The following ACCSL variants were observed in gnomAD, a reference collection of about 807,000 sequenced individuals.
The protein encoded by ACCSL is probable inactive 1-aminocyclopropane-1-carboxylate synthase-like protein 2.
ACCSL carries 55 observed loss-of-function variants against 61.7 expected under a neutral mutation model. That is an observed-to-expected ratio of 0.89 (90% CI 0.72 to 1.12). ACCSL has a LOEUF of 1.12. ACCSL is among the 50% of genes most tolerant of loss of function. The pLI is 0.00. For missense variants in ACCSL, 632 were observed against 698.0 expected, an observed-to-expected ratio of 0.91 and a Z score of 1.07; for synonymous variants, 258 against 264.3, an observed-to-expected ratio of 0.98 and a Z score of 0.23.
chr11:43,989,900 C>T, the ACCSL span, among the ~76,000 whole-genome samples: 2 of 152,262 alleles, frequency 1.3e-5, no homozygotes, highest in Non-Finnish European at 2.9e-5. Flanking sequence ...GCTGGCGGCC[C>T]CGCCAAGAGG....
chr11:43,964,139 C>T, the ACCSL span, among the ~76,000 whole-genome samples: 5 of 151,834 alleles, frequency 3.3e-5, no homozygotes, highest in Admixed American at 2.0e-4. Context: ...GAAAACTTCC[C>T]GTGAAAGAAA....
chr11:44,008,356 C>T, the ACCSL span, among the ~76,000 whole-genome samples: 14,249 of 152,170 alleles, frequency 0.094, 784 homozygotes, highest in East Asian at 0.3. Flanking sequence ...CAGCGTGGTC[C>T]GGGGCTGGTG....
the ACCSL span, among the ~76,000 whole-genome samples, chr11:43,981,225 T>G: frequency 6.6e-6 from 1 of 152,220 alleles, no homozygotes. Context: ...CCATGTAGCC[T>G]ACATGAGGGG....
intron 3 of ACCSL, 63 bp downstream of exon 3, chr11:44,050,685 G>A (rs1183422177): frequency 6.6e-7 from 1 of 1,512,368 alleles, no homozygotes; most frequent in African/African-American, 1.4e-5. Context: ...TCCAGAAGGA[G>A]GATTCAAGGC....
chr11:43,926,335 C>T, the ACCSL span: 2 of 302,002 alleles, frequency 6.6e-6, no homozygotes, highest in Middle Eastern at 8.5e-4. Context: ...TGCCTTGTCC[C>T]CTTGGGGTCA....
chr11:44,024,439 CTCTG>C, the ACCSL span, among the ~76,000 whole-genome samples: 1,736 of 48,852 alleles, frequency 0.036, 33 homozygotes, highest in African/African-American at 0.11. Context: ...CTCTCTCTCT[CTCTG>C]TGTGTGTGTG....
the ACCSL span, among the ~76,000 whole-genome samples, chr11:44,003,036 A>T: frequency 1.3e-5 from 2 of 152,214 alleles, no homozygotes; most frequent in South Asian, 2.1e-4. Flanking sequence ...GTGAGGGGAC[A>T]TGAGTAAAGA....
chr11:44,007,829 G>T, the ACCSL span, among the ~76,000 whole-genome samples: 281 of 152,302 alleles, frequency 1.8e-3, 2 homozygotes, highest in East Asian at 0.03. Context: ...CACACAGTAG[G>T]TGCTCTGTAC....
At chr11:44,025,245 C>T in the ACCSL span, among the ~76,000 whole-genome samples, 1 of 151,930 alleles carries the variant, frequency 6.6e-6, no homozygotes, top group South Asian at 2.1e-4. Context: ...TCTATGTATT[C>T]TATCATTGCT....
chr11:44,027,307 G>A, the ACCSL span, among the ~76,000 whole-genome samples: 1 of 152,188 alleles, frequency 6.6e-6, no homozygotes, highest in East Asian at 1.9e-4. Context: ...TCATGGGTAT[G>A]TGCATGCCTC....
rs533009236 is a variant in ACCSL at position 44,051,048 on chromosome 11, T to G, written c.636-287T>G. ...AGTAGAGACGGGGTTTCACCATGTT[T>G]GCCAGCTTGGTCTTGATCTCCTGAC... is the stretch of plus-strand genomic sequence containing the variant. On this transcript the variant is annotated intron_variant, in intron 3 of 13. Transcript: ENST00000378832. Among the ~76,000 whole-genome samples, 12 of 152,192 alleles carry G rather than the reference T, an allele frequency of 7.9e-5. No homozygotes were observed. The South Asian group carries it at 2.5e-3, about 32-fold the overall frequency.
At chr11:44,053,810 C>T (rs544886513) in intron 8 of ACCSL, among the ~76,000 whole-genome samples, 18 of 152,024 alleles carry the variant, frequency 1.2e-4, no homozygotes, top group South Asian at 2.1e-4. Context: ...TGCAGTGAGC[C>T]GAGATCATGC....
At chr11:43,996,861 AAAGAGC>A in the ACCSL span, among the ~76,000 whole-genome samples, 1 of 150,706 alleles carries the variant, frequency 6.6e-6, no homozygotes, top group African/African-American at 2.4e-5. Context: ...CACCCAGGCT[AAAGAGC>A]AAGGGTGTAC....
chr11:43,996,874 G>A, the ACCSL span, among the ~76,000 whole-genome samples: 2 of 149,772 alleles, frequency 1.3e-5, no homozygotes, highest in South Asian at 4.2e-4. Flanking sequence ...GAGCAAGGGT[G>A]TACACTCGGC....
rs146997348 is a variant in ACCSL at position 44,051,985 on chromosome 11, A to G, written c.772+266A>G. Among the ~76,000 whole-genome samples the G allele has an allele frequency of 2.2e-4, 33 of 152,324 alleles. No homozygotes were observed. The East Asian group carries it at 6.4e-3, about 29-fold the overall frequency. ...TGATGGGAGCCTACCTACTATGTTCATGGCTGGGCTTTTGGGCTCAGCTGC... is the reference window on the plus strand; with the variant it reads ...TGATGGGAGCCTACCTACTATGTTCGTGGCTGGGCTTTTGGGCTCAGCTGC... On this transcript the variant is annotated intron_variant, in intron 5 of 13. Coordinates refer to ENST00000378832, the MANE Select transcript of ACCSL (RefSeq NM_001031854.2).
At chr11:44,023,627 G>GGTT in the ACCSL span, among the ~76,000 whole-genome samples, 1 of 137,958 alleles carries the variant, frequency 7.2e-6, no homozygotes, top group Non-Finnish European at 1.6e-5. Context: ...GATTTTATCT[G>GGTT]TTTTTTTTTT....
At chr11:44,037,084 C>A in the ACCSL span, among the ~76,000 whole-genome samples, 1 of 152,212 alleles carries the variant, frequency 6.6e-6, no homozygotes, top group African/African-American at 2.4e-5. Flanking sequence ...GAGGAATTCT[C>A]CTCCTTTCCC....
the ACCSL span, among the ~76,000 whole-genome samples, chr11:43,961,068 G>A: frequency 1.4e-4 from 21 of 152,140 alleles, no homozygotes; most frequent in Non-Finnish European, 2.2e-4. Context: ...TGATCCTCCC[G>A]CCTCGGCCTT....
the ACCSL span, among the ~76,000 whole-genome samples, chr11:43,987,052 C>G: frequency 6.6e-6 from 1 of 152,166 alleles, no homozygotes; most frequent in Non-Finnish European, 1.5e-5. Context: ...GGGCCTGGGA[C>G]CCTGGCTGCT....
Sources: gnomAD v4.1 joint callset for allele counts (sites outside exome capture counted in the v4.1 genomes callset) on GRCh38, gnomAD v4.1.1 for gene constraint, MANE v1.5 for transcripts, NCBI Gene and HGNC (gene_info 2026-07-23, HGNC 2026-07-21) for gene names.